Variants in GPI observed in about 807,000 individuals in gnomAD.
The protein encoded by GPI is glucose-6-phosphate isomerase.
Under a neutral mutation model 75.8 loss-of-function variants are expected in GPI, and 56 were observed. The observed-to-expected ratio is 0.74, with a 90% CI of 0.60 to 0.92. The LOEUF is 0.92. Among genes scored for constraint, GPI ranks in the 40% least tolerant of loss-of-function variants. The pLI is 0.00. For missense variants in GPI, 638 were observed against 741.0 expected (o/e 0.86, Z 1.61); for synonymous variants, 288 against 285.4 (o/e 1.01, Z -0.09).
chr19:34,368,224 G>A (rs1284583067), intron 3 of GPI, among the ~76,000 whole-genome samples: 2 of 152,230 alleles, frequency 1.3e-5, no homozygotes, highest in African/African-American at 4.8e-5. Context: ...CCCGGCCTCT[G>A]AAAGCATTTA....
At chr19:34,392,849 C>T (rs1038601253) in intron 9 of GPI, 1 of 178,074 alleles carries the variant, frequency 5.6e-6, no homozygotes, top group African/African-American at 1.6e-4. Flanking sequence ...GGAGGTGGGC[C>T]CTGGCACAGG....
upstream of GPI, among the ~76,000 whole-genome samples, chr19:34,361,442 T>C (rs533035741): frequency 5.9e-5 from 9 of 152,262 alleles, no homozygotes; most frequent in East Asian, 1.2e-3. Context: ...CAACAGGGTA[T>C]CCTTCATAGG....
chr19:34,385,360 C>CAAA (rs58133757), intron 9 of GPI, among the ~76,000 whole-genome samples: 2 of 95,118 alleles, frequency 2.1e-5, no homozygotes, highest in Non-Finnish European at 4.8e-5. Flanking sequence ...AAACAAAAAA[C>CAAA]AAAAAAAAAA....
Position 34,368,585 on chromosome 19 carries a change from T to A in GPI, c.285T>A (p.Gly95=). Residue 95 remains glycine, a splice_region_variant and synonymous_variant, in exon 4 of 18, where the codon GGT becomes GGA. Coordinates refer to ENST00000356487, the MANE Select transcript of GPI (RefSeq NM_000175.5). ...TATATCCTGACCGTAATCCCCAGGG[T>A]CGAGCCGTGCTGCACGTGGCTCTGC... ...FNGEKINYTE[G]RAVLHVALRN... 6.2e-7 allele frequency: 1 copy of A among 1,613,992 alleles called. No individual in the cohort carries two copies. Among genetic ancestry groups the A allele is most frequent in the South Asian group, 1.1e-5 (1 of 91,070 alleles).
intron 4 of GPI, among the ~76,000 whole-genome samples, 167 bp from the exon 5 acceptor site, chr19:34,377,336 A>AATATATATATATATATATATATATAT (rs1243864461): frequency 2.0e-5 from 1 of 49,338 alleles, no homozygotes; most frequent in African/African-American, 1.2e-4. Context: ...AAAAAAAAAA[A>AATATATATATATATATATATATATAT]ATATATATAT....
intron 9 of GPI, among the ~76,000 whole-genome samples, chr19:34,384,509 G>A (rs776626929): frequency 2.0e-5 from 3 of 152,282 alleles, no homozygotes; most frequent in Non-Finnish European, 2.9e-5. Context: ...TAGGTTGACC[G>A]GAACAGCCAT....
intron 14 of GPI, chr19:34,397,384 A>C (rs1167233111): frequency 6.6e-6 from 1 of 152,476 alleles, no homozygotes; most frequent in Non-Finnish European, 1.5e-5. Flanking sequence ...TCACTGCAGA[A>C]CCAGCAATGG....
At chr19:34,379,883 T>G in intron 8 of GPI, 1 of 513,168 alleles carries the variant, frequency 1.9e-6, no homozygotes, top group Non-Finnish European at 3.5e-6. Context: ...TCCCCAAATG[T>G]GACATGCTAG....
At chr19:34,365,739 G>T (rs1017747983) in intron 1 of GPI, 4 of 501,854 alleles carry the variant, frequency 8.0e-6, no homozygotes, top group African/African-American at 3.9e-5. Flanking sequence ...CGCAGCAAGC[G>T]GGAAAGGGCT....
intron 4 of GPI, among the ~76,000 whole-genome samples, chr19:34,372,153 A>G (rs368852576): frequency 2.6e-5 from 4 of 151,280 alleles, no homozygotes; most frequent in East Asian, 3.9e-4. Flanking sequence ...CTGGTCTCGA[A>G]CTCCTGACCT....
intron 4 of GPI, among the ~76,000 whole-genome samples, chr19:34,369,929 A>C (rs1333652568): frequency 6.6e-6 from 1 of 152,206 alleles, no homozygotes; most frequent in Non-Finnish European, 1.5e-5. Context: ...TCTCTAAATA[A>C]ATTTAAAAAA....
intron 3 of GPI, among the ~76,000 whole-genome samples, chr19:34,367,444 C>T (rs1459145331): frequency 6.6e-6 from 1 of 152,224 alleles, no homozygotes; most frequent in African/African-American, 2.4e-5. Flanking sequence ...CACACTCAAC[C>T]TGTCTTGCAT....
upstream of GPI, among the ~76,000 whole-genome samples, chr19:34,362,979 C>G (rs1162850455): frequency 6.6e-6 from 1 of 152,114 alleles, no homozygotes; most frequent in Non-Finnish European, 1.5e-5. Flanking sequence ...CCAAAATAAC[C>G]TACTAGAAAA....
intron 12 of GPI, 73 bp downstream of exon 12, chr19:34,394,139 T>G: frequency 8.6e-7 from 1 of 1,163,298 alleles, no homozygotes; most frequent in Non-Finnish European, 1.3e-6. Context: ...GAACCTGGGT[T>G]TCAGCTCCTC....
chr19:34,391,645 T>TA, intron 9 of GPI, among the ~76,000 whole-genome samples: 2 of 1,006 alleles, frequency 2.0e-3, no homozygotes, highest in African/African-American at 3.6e-3. Flanking sequence ...TCTGAAGAGG[T>TA]GGGAATTTGG....
intron 9 of GPI, among the ~76,000 whole-genome samples, chr19:34,389,073 C>G (rs1053807633): frequency 9.9e-5 from 15 of 151,678 alleles, no homozygotes; most frequent in Admixed American, 1.3e-4. Flanking sequence ...ACCTGGGCAA[C>G]AGAGCAAGAC....
intron 8 of GPI, chr19:34,379,775 A>C (rs1317446119): frequency 1.5e-6 from 1 of 663,284 alleles, no homozygotes; most frequent in Non-Finnish European, 2.7e-6. Context: ...GCTTGGAGTC[A>C]GTGGGATCAC....
At chr19:34,370,425 G>A (rs2074433477) in intron 4 of GPI, among the ~76,000 whole-genome samples, 1 of 152,142 alleles carries the variant, frequency 6.6e-6, no homozygotes, top group African/African-American at 2.4e-5. Context: ...GCCACTTTCA[G>A]ACCTGAAAAT....
At position 34,393,861 on chromosome 19, in the gene GPI, C is replaced by T; in HGVS notation, c.910-53C>T. 1 of 1,607,730 alleles carries T rather than the reference C, an allele frequency of 6.2e-7. No individual in the cohort carries two copies. Among genetic ancestry groups the T allele is most frequent in the East Asian group, 2.2e-5 (1 of 44,838 alleles). ...CCGCTTTCTCCCCCACTGTCCTGTC[C>T]CTCCCCTCCCCGTGCAGCTGCTCAG... On this transcript the variant is annotated intron_variant, in intron 11 of 17. Coordinates refer to ENST00000356487, the MANE Select transcript of GPI (RefSeq NM_000175.5). This position sits in a 1 kb window ranked among gnomAD's most constrained non-coding sequence, Gnocchi z 4.4.
Sources: allele counts gnomAD v4.1 joint callset (sites outside exome capture counted in the v4.1 genomes callset), GRCh38; gene constraint gnomAD v4.1.1; non-coding constraint Gnocchi (gnomAD v3.1); transcripts MANE v1.5; gene names NCBI Gene and HGNC (gene_info 2026-07-23, HGNC 2026-07-21).